CR1: variants seen among roughly 807,000 people sequenced by gnomAD.
CR1 encodes the protein complement C3b/C4b receptor 1 (Knops blood group).
A neutral mutation model predicts 187.3 loss-of-function variants in CR1; 116 were observed. The observed-to-expected ratio is 0.62, with a 90% CI of 0.53 to 0.72. CR1 has a LOEUF of 0.72. Ranked by LOEUF, CR1 falls within the 30% of genes least tolerant of loss-of-function variation. CR1 has a pLI of 0.00. For synonymous variants in CR1, 576 were observed against 747.1 expected, an observed-to-expected ratio of 0.77 and a Z score of 3.73; for missense variants, 1,731 against 2,110.7, an observed-to-expected ratio of 0.82 and a Z score of 3.52.
At position 207,496,525 on chromosome 1, in the gene CR1, C is replaced by T. The variant is rs189589093; in HGVS notation, c.121+137C>T. On this transcript the variant is annotated intron_variant, in intron 1 of 46. Transcript: ENST00000367049. ...GGCAGCGCGATGGGTGGGCTGAGCG[C>T]GCGACCCGGCAGGGCGGCGGGTGTA... 286 of 859,196 alleles carry T rather than the reference C, an allele frequency of 3.3e-4. 5 individuals carry two copies. In the East Asian group the frequency reaches 6.5e-3, roughly 20 times the overall value. 53.2% of individuals were successfully genotyped at this position (859,196 alleles called of 1,614,324 possible).
chr1:207,506,672 G>A (rs761895108), intron 2 of CR1, 42 bp from the exon 3 acceptor site: 2 of 1,579,676 alleles, frequency 1.3e-6, no homozygotes, highest in African/African-American at 2.7e-5. Context: ...AAAGTTTTTA[G>A]TTTACTCTAC....
At chr1:207,632,212 GC>G (rs1182560433) in intron 46 of CR1, among the ~76,000 whole-genome samples, 2 of 152,026 alleles carry the variant, frequency 1.3e-5, no homozygotes, top group Admixed American at 6.6e-5. Context: ...AATATGCATT[GC>G]TTTTTTAAAA....
At chr1:207,631,064 A>C (rs1246321841) in intron 46 of CR1, among the ~76,000 whole-genome samples, 1 of 151,836 alleles carries the variant, frequency 6.6e-6, no homozygotes, top group Non-Finnish European at 1.5e-5. Context: ...TGAATTCTCT[A>C]CTTCATTTGG....
At position 207,567,953 on chromosome 1, in the gene CR1, A is replaced by T. The variant is rs184230550; in HGVS notation, c.4082A>T (p.Asp1361Val). The part of the protein sequence containing the change: ...DPHPDRGTSF[D>V]LIGESTIRCT... ...CACCCAGACAGAGGGACGAGCTTCG[A>T]CCTCATTGGAGAGAGCACCATCCGC... Residue 1361 changes from aspartate to valine, a missense_variant, in exon 25 of 47, where the codon GAC (aspartate) becomes GTC (valine). Physicochemically the swap from Asp to Val is radical, Grantham distance 152. Around this residue, in one of 5 missense-constraint regions of CR1, gnomAD observed 1,312 missense variants for 1,379.6 expected, o/e 0.95. Coordinates refer to ENST00000367049, the MANE Select transcript of CR1 (RefSeq NM_000651.6). 2.8e-4 allele frequency: 457 copies of T among 1,610,352 alleles called. 67 individuals carry two copies. In the African/African-American group the frequency reaches 6.0e-3, roughly 21 times the overall value.
chr1:207,597,269 T>C (rs1430981711), intron 35 of CR1, among the ~76,000 whole-genome samples: 2 of 152,056 alleles, frequency 1.3e-5, no homozygotes, highest in Non-Finnish European at 2.9e-5. Flanking sequence ...GTTATAATAG[T>C]AAATGTGAAT....
intron 1 of CR1, among the ~76,000 whole-genome samples, chr1:207,497,670 G>C (rs554188925): frequency 6.6e-6 from 1 of 152,152 alleles, no homozygotes; most frequent in South Asian, 2.1e-4. Context: ...TAAGCAATCT[G>C]TTGTCAACGC....
At chr1:207,635,307 CG>C (rs1245400508) in intron 46 of CR1, among the ~76,000 whole-genome samples, 4 of 152,020 alleles carry the variant, frequency 2.6e-5, no homozygotes, top group Non-Finnish European at 4.4e-5. Context: ...GGGTGTTTCT[CG>C]GAGAGGGGGA....
At chr1:207,581,102 G>T (rs1235713221) in intron 31 of CR1, among the ~76,000 whole-genome samples, 1 of 147,060 alleles carries the variant, frequency 6.8e-6, no homozygotes, top group Non-Finnish European at 1.5e-5. Flanking sequence ...GAAAAAAAAA[G>T]TGTGTATATA....
In CR1 at chr1:207,641,463, T is replaced by G. The variant is rs1662984129; in HGVS notation, c.*2054T>G. Reference sequence around the variant, plus strand: ...TTTAATTGCAAGAAAGCTGAAAGGTTTTTTTCTATTATATCAGTTATAATG... The same window carrying G: ...TTTAATTGCAAGAAAGCTGAAAGGTGTTTTTCTATTATATCAGTTATAATG... On this transcript the variant is annotated 3_prime_UTR_variant, in exon 47 of 47. Transcript: ENST00000367049. The G allele has an allele frequency of 6.6e-6, 1 of 152,180 alleles. No individual in the cohort carries two copies. Among genetic ancestry groups the G allele is most frequent in the Non-Finnish European group, 1.5e-5 (1 of 68,040 alleles). The allele number at this position is 152,180 out of a possible 1,614,324, so 9.4% of individuals were successfully genotyped here.
intron 4 of CR1, among the ~76,000 whole-genome samples, chr1:207,517,419 T>C (rs187745989): frequency 1.0e-3 from 157 of 152,268 alleles, no homozygotes; most frequent in African/African-American, 3.6e-3. Context: ...AGTTTCATAA[T>C]ATTTTGTTCA....
chr1:207,514,935 T>TC, intron 4 of CR1, among the ~76,000 whole-genome samples: 1 of 149,834 alleles, frequency 6.7e-6, no homozygotes, highest in Admixed American at 6.7e-5. Context: ...TTTTTTTTTT[T>TC]CCAACCATTT....
At chr1:207,589,101 A>T (rs1303529792) in intron 35 of CR1, among the ~76,000 whole-genome samples, 1 of 152,226 alleles carries the variant, frequency 6.6e-6, no homozygotes, top group Non-Finnish European at 1.5e-5. Flanking sequence ...GAACCATGTA[A>T]ACCTCCTTAA....
At chr1:207,509,376 G>C (rs907030979) in intron 3 of CR1, among the ~76,000 whole-genome samples, 1 of 152,176 alleles carries the variant, frequency 6.6e-6, no homozygotes. Context: ...GCTTCAATCT[G>C]TTCAAGTGGA....
At chr1:207,627,241 T>C (rs1169613919) in intron 45 of CR1, among the ~76,000 whole-genome samples, 1 of 152,158 alleles carries the variant, frequency 6.6e-6, no homozygotes, top group South Asian at 2.1e-4. Flanking sequence ...ATTTTTTTCA[T>C]AGCCTTATTC....
At chr1:207,511,848 T>C (rs1305660141) in intron 4 of CR1, among the ~76,000 whole-genome samples, 194 bp downstream of exon 4, 16 of 152,230 alleles carry the variant, frequency 1.1e-4, no homozygotes, top group Admixed American at 8.5e-4. Context: ...CTGGGATGTG[T>C]CTTTTCTAAT....
At chr1:207,628,877 T>C (rs575066739) in intron 45 of CR1, among the ~76,000 whole-genome samples, 2 of 152,218 alleles carry the variant, frequency 1.3e-5, no homozygotes, top group Admixed American at 6.5e-5. Flanking sequence ...TTCTGAGTCA[T>C]TAGGCTATAA....
At chr1:207,578,826 C>G (rs1407865733) in intron 29 of CR1, among the ~76,000 whole-genome samples, 2 of 152,186 alleles carry the variant, frequency 1.3e-5, no homozygotes, top group Non-Finnish European at 2.9e-5. Flanking sequence ...TAGAGTTTGT[C>G]TATAATGGTC....
At position 207,584,742 on chromosome 1, in the gene CR1, C is replaced by T. The variant is rs1358225488; in HGVS notation, c.5396C>T (p.Thr1799Ile). 2 of 1,613,930 alleles carry T rather than the reference C, an allele frequency of 1.2e-6. No individual in the cohort carries two copies. The highest frequency in any genetic ancestry group is 8.5e-7 in the Non-Finnish European group (1 of 1,179,816). ...DIPYGKEISY[T>I]CDPHPDRGMT... is the part of the protein sequence containing the mutation. ...CCCTATGGAAAAGAAATATCTTACA[C>T]ATGTGACCCCCACCCAGACAGAGGG... Residue 1799 changes from threonine (T) to isoleucine (I), a missense_variant, in exon 33 of 47, where the codon ACA (threonine) becomes ATA (isoleucine). Coordinates refer to ENST00000367049, the MANE Select transcript of CR1 (RefSeq NM_000651.6).
At chr1:207,506,567 G>T (rs1659439247) in intron 2 of CR1, 147 bp from the exon 3 acceptor site, 1 of 671,536 alleles carries the variant, frequency 1.5e-6, no homozygotes, top group Non-Finnish European at 2.6e-6. Flanking sequence ...AGGCAGTCTG[G>T]TGAGTTTCCT....
Sources: gnomAD v4.1 joint callset for allele counts (sites outside exome capture counted in the v4.1 genomes callset) on GRCh38, gnomAD v4.1.1 for gene constraint, gnomAD v4.1.1 regional missense constraint, MANE v1.5 for transcripts, NCBI Gene and HGNC (gene_info 2026-07-23, HGNC 2026-07-21) for gene names.